ERBB4: variants seen among roughly 807,000 people sequenced by gnomAD.
ERBB4 encodes the protein receptor tyrosine-protein kinase erbB-4.
Under a neutral mutation model 158.0 loss-of-function variants are expected in ERBB4, and 42 were observed. The observed-to-expected ratio is 0.27, with a 90% CI of 0.21 to 0.34. The LOEUF (loss-of-function observed/expected upper bound fraction) is 0.34. Among genes scored for constraint, ERBB4 ranks in the 10% least tolerant of loss-of-function variants. ERBB4 has a pLI of 1.00. For missense variants in ERBB4, 1,333 were observed against 1,624.1 expected (o/e 0.82, Z 3.08); for synonymous variants, 583 against 558.7 (o/e 1.04, Z -0.61).
At position 212,345,024 on chromosome 2, in the gene ERBB4, G is replaced by T. The variant is rs543311058; in HGVS notation, c.82+193425C>A. On this transcript the variant is annotated intron_variant, in intron 1 of 27. Coordinates refer to ENST00000342788, the MANE Select transcript of ERBB4 (RefSeq NM_005235.3). ...CGCCTGTAATCCCAGCACTTTGGGA[G>T]GCCGAGATGGGCGGATCACGAGGTC... is the stretch of plus-strand genomic sequence containing the variant. 7.2e-5 allele frequency among the ~76,000 whole-genome samples: 11 copies of T among 152,156 alleles called. No individual in the cohort carries two copies. The South Asian group carries it at 2.3e-3, about 32-fold the overall frequency.
intron 1 of ERBB4, among the ~76,000 whole-genome samples, chr2:212,340,922 T>C (rs1021657777): frequency 6.6e-6 from 1 of 152,210 alleles, no homozygotes; most frequent in Non-Finnish European, 1.5e-5. Context: ...TTAAGATTTT[T>C]AGATAATCAC....
At chr2:212,091,021 A>T (rs1379335747) in intron 2 of ERBB4, among the ~76,000 whole-genome samples, 2 of 152,156 alleles carry the variant, frequency 1.3e-5, no homozygotes, top group Non-Finnish European at 2.9e-5. Context: ...TGACTTTAAA[A>T]ACCATTACAT....
chr2:211,378,444 C>G lies in ERBB4; in HGVS notation c.*5171G>C. The G allele has an allele frequency of 4.3e-6, 1 of 232,296 alleles. No homozygotes were observed. Among genetic ancestry groups the G allele is most frequent in the Non-Finnish European group, 8.5e-6 (1 of 117,178 alleles). The allele number at this position is 232,296 out of a possible 1,614,324, so 14.4% of individuals were successfully genotyped here. ...GACTTGAACCGAGTATCTGAAATTT[C>G]TATTATTTTAGAGAGACTTTTAATG... On this transcript the variant is annotated 3_prime_UTR_variant, in exon 28 of 28. Coordinates refer to ENST00000342788, the MANE Select transcript of ERBB4 (RefSeq NM_005235.3).
At chr2:211,640,143 T>G (rs547661337) in intron 16 of ERBB4, among the ~76,000 whole-genome samples, 1 of 152,296 alleles carries the variant, frequency 6.6e-6, no homozygotes, top group East Asian at 1.9e-4. Context: ...ATCCTTGTTT[T>G]ATACTGAAAG....
intron 1 of ERBB4, among the ~76,000 whole-genome samples, chr2:212,332,966 T>A (rs556281159): frequency 6.6e-6 from 1 of 152,052 alleles, no homozygotes; most frequent in African/African-American, 2.4e-5. Context: ...GAAATGGGTA[T>A]AGAATTTAAT....
At chr2:212,214,076 T>C (rs958482631) in intron 1 of ERBB4, among the ~76,000 whole-genome samples, 4 of 151,842 alleles carry the variant, frequency 2.6e-5, no homozygotes, top group Non-Finnish European at 4.4e-5. Context: ...ATCCTTACAA[T>C]TGGTTGCATG....
At chr2:212,102,090 T>TATATA (rs1553558603) in intron 2 of ERBB4, among the ~76,000 whole-genome samples, 3,611 of 107,972 alleles carry the variant, frequency 0.033, 203 homozygotes, top group African/African-American at 0.075. Context: ...AAAATTTATT[T>TATATA]TATATATATA....
At chr2:212,533,661 AAAGT>A (rs1456457083) in intron 1 of ERBB4, among the ~76,000 whole-genome samples, 2 of 152,228 alleles carry the variant, frequency 1.3e-5, no homozygotes, top group African/African-American at 4.8e-5. Context: ...GAAATCATAA[AAAGT>A]AAGGTTTTAA....
intron 1 of ERBB4, among the ~76,000 whole-genome samples, chr2:212,340,210 A>T (rs144421765): frequency 6.6e-6 from 1 of 152,034 alleles, no homozygotes; most frequent in Non-Finnish European, 1.5e-5. Flanking sequence ...CCAAATTCAT[A>T]TTCCAAATAC....
At chr2:211,720,505 T>C (rs905424543) in intron 7 of ERBB4, among the ~76,000 whole-genome samples, 1 of 152,236 alleles carries the variant, frequency 6.6e-6, no homozygotes, top group Non-Finnish European at 1.5e-5. Context: ...TTTAACGCCA[T>C]GTCTTTTCTT....
intron 19 of ERBB4, among the ~76,000 whole-genome samples, chr2:211,598,873 A>C (rs2068714194): frequency 6.6e-6 from 1 of 152,124 alleles, no homozygotes; most frequent in South Asian, 2.1e-4. Flanking sequence ...AAATGTACCC[A>C]ACAATTTGAG....
intron 3 of ERBB4, among the ~76,000 whole-genome samples, chr2:211,876,014 C>T (rs2106131162): frequency 6.6e-6 from 1 of 152,172 alleles, no homozygotes; most frequent in South Asian, 2.1e-4. Context: ...CAACACATTC[C>T]CCAGAACATG....
intron 3 of ERBB4, among the ~76,000 whole-genome samples, chr2:211,810,896 G>C (rs1363446944): frequency 6.6e-6 from 1 of 151,542 alleles, no homozygotes; most frequent in East Asian, 1.9e-4. Flanking sequence ...GGATGGTCTC[G>C]ATCTCCTGAC....
chr2:211,490,062 G>A (rs1258903756), intron 20 of ERBB4, among the ~76,000 whole-genome samples: 4 of 152,014 alleles, frequency 2.6e-5, no homozygotes, highest in Admixed American at 6.6e-5. Context: ...ATGTGAATGG[G>A]ATTAAGCTCT....
intron 20 of ERBB4, among the ~76,000 whole-genome samples, chr2:211,513,377 C>CAAAACAAAA (rs2065936427): frequency 1.8e-5 from 1 of 55,746 alleles, no homozygotes; most frequent in African/African-American, 5.0e-5. Flanking sequence ...AAAAAAAAAA[C>CAAAACAAAA]AAAAAAAAAA....
At chr2:211,857,644 G>C (rs1405410783) in intron 3 of ERBB4, among the ~76,000 whole-genome samples, 1 of 152,112 alleles carries the variant, frequency 6.6e-6, no homozygotes, top group Non-Finnish European at 1.5e-5. Context: ...AGCATATTCT[G>C]GGAAATGTTA....
intron 1 of ERBB4, among the ~76,000 whole-genome samples, chr2:212,464,240 T>A (rs1036779306): frequency 3.3e-5 from 5 of 152,282 alleles, no homozygotes; most frequent in Admixed American, 6.5e-5. Context: ...TTGTGTCATA[T>A]TTTTAACTAT....
intron 3 of ERBB4, among the ~76,000 whole-genome samples, chr2:211,861,111 TTATATATATATTTTATATATATATA>T (rs1235886344): frequency 4.6e-5 from 1 of 21,532 alleles, no homozygotes; most frequent in African/African-American, 2.4e-4. Context: ...TTATATATAT[TTATATATATATTTTATATATATATA>T]TATATATATA....
At chr2:211,630,206 C>T (rs1217311171) in intron 17 of ERBB4, among the ~76,000 whole-genome samples, 4 of 152,136 alleles carry the variant, frequency 2.6e-5, no homozygotes, top group Non-Finnish European at 4.4e-5. Context: ...ATCCTCCCAA[C>T]CATACAAACA....
Sources: allele counts gnomAD v4.1 joint callset (sites outside exome capture counted in the v4.1 genomes callset), GRCh38; gene constraint gnomAD v4.1.1; transcripts MANE v1.5; gene names NCBI Gene and HGNC (gene_info 2026-07-23, HGNC 2026-07-21).